RBFOX1: variants seen among roughly 807,000 people sequenced by gnomAD.
RBFOX1 encodes the protein RNA binding fox-1 homolog 1.
RBFOX1 carries 8 observed loss-of-function variants against 57.7 expected under a neutral mutation model. The ratio of observed to expected loss-of-function variants is 0.14; its 90% confidence interval spans 0.08 to 0.25. RBFOX1 has a LOEUF of 0.25. RBFOX1 is among the 10% of genes least tolerant of loss of function. The pLI, the probability that RBFOX1 is intolerant of heterozygous loss-of-function variation, is 1.00. For missense variants in RBFOX1, 611 were observed against 548.5 expected (o/e 1.11, Z -1.14); for synonymous variants, 326 against 222.4 (o/e 1.47, Z -4.15).
intron 3 of RBFOX1, among the ~76,000 whole-genome samples, chr16:6,812,226 T>C (rs936427362): frequency 2.0e-5 from 3 of 152,194 alleles, no homozygotes; most frequent in African/African-American, 7.2e-5. Context: ...AATATTAAGC[T>C]CCTCACATTT....
At chr16:7,477,649 A>G (rs2063021104) in intron 4 of RBFOX1, among the ~76,000 whole-genome samples, 1 of 152,194 alleles carries the variant, frequency 6.6e-6, no homozygotes. Flanking sequence ...CGATGGTAGT[A>G]ACTACATGCA....
intron 2 of RBFOX1, among the ~76,000 whole-genome samples, chr16:5,595,602 C>T (rs551997948): frequency 2.0e-5 from 3 of 152,248 alleles, no homozygotes; most frequent in East Asian, 3.9e-4. Flanking sequence ...ATGGATCAGG[C>T]CAGCTCAAAT....
chr16:6,396,273 T>C (rs1488207321), intron 2 of RBFOX1, among the ~76,000 whole-genome samples: 2 of 152,058 alleles, frequency 1.3e-5, no homozygotes, highest in South Asian at 4.1e-4. Flanking sequence ...AGAGGTACTG[T>C]AACTTGATAA....
intron 3 of RBFOX1, among the ~76,000 whole-genome samples, chr16:7,006,075 C>A (rs1413989693): frequency 2.6e-5 from 4 of 152,172 alleles, no homozygotes; most frequent in Non-Finnish European, 5.9e-5. Context: ...AGGTAGTAAA[C>A]CCTACTTTGT....
At chr16:7,017,747 A>G (rs138716337) in intron 3 of RBFOX1, among the ~76,000 whole-genome samples, 1 of 152,150 alleles carries the variant, frequency 6.6e-6, no homozygotes, top group Admixed American at 6.5e-5. Flanking sequence ...TGACAGGCCA[A>G]CTTCCAAACA....
At chr16:6,852,701 A>T (rs2094134801) in intron 3 of RBFOX1, among the ~76,000 whole-genome samples, 1 of 147,810 alleles carries the variant, frequency 6.8e-6, no homozygotes, top group Non-Finnish European at 1.5e-5. Context: ...ATGCCAGGAA[A>T]TAGCTGTGCC....
At chr16:5,642,879 G>T (rs914240565) in intron 3 of RBFOX1, among the ~76,000 whole-genome samples, 1 of 152,154 alleles carries the variant, frequency 6.6e-6, no homozygotes, top group Non-Finnish European at 1.5e-5. Flanking sequence ...GAGTGAGGGG[G>T]TCTGTATTCA....
At chr16:6,993,874 G>A (rs531260442) in intron 3 of RBFOX1, among the ~76,000 whole-genome samples, 10 of 152,130 alleles carry the variant, frequency 6.6e-5, no homozygotes, top group Non-Finnish European at 1.0e-4. Context: ...TTCCCCGAAC[G>A]TCTCTCAGGG....
intron 4 of RBFOX1, among the ~76,000 whole-genome samples, chr16:7,506,359 G>A (rs1199195911): frequency 6.6e-6 from 1 of 152,072 alleles, no homozygotes; most frequent in Non-Finnish European, 1.5e-5. Flanking sequence ...AACAAGTTGT[G>A]TGAGCATGAG....
intron 1 of RBFOX1, among the ~76,000 whole-genome samples, chr16:6,123,159 A>G (rs2152644058): frequency 6.6e-6 from 1 of 152,320 alleles, no homozygotes; most frequent in Non-Finnish European, 1.5e-5. Flanking sequence ...ATGAATACAC[A>G]CAAAGGAACT....
At chr16:7,242,947 C>G (rs1216191375) in intron 4 of RBFOX1, among the ~76,000 whole-genome samples, 1 of 152,150 alleles carries the variant, frequency 6.6e-6, no homozygotes. Flanking sequence ...ACCTGTCTAC[C>G]TTCTTTATCT....
rs909703035 is a variant in RBFOX1 at position 6,995,896 on chromosome 16, C to T, written c.-15-56161C>T. On this transcript the variant is annotated intron_variant, in intron 3 of 15. Transcript: ENST00000550418. ...TTCTCTGCATCCTCCTATGTTTGAA[C>T]CATAAATTTATTAGAAAGCATATAT... Among the ~76,000 whole-genome samples the T allele has an allele frequency of 8.5e-5, 13 of 152,198 alleles. 1 individual carries two copies. Among genetic ancestry groups the T allele is most frequent in the African/African-American group, 1.2e-4 (5 of 41,442 alleles).
At chr16:5,617,792 A>G (rs1459518166) in intron 3 of RBFOX1, among the ~76,000 whole-genome samples, 2 of 152,224 alleles carry the variant, frequency 1.3e-5, no homozygotes, top group Non-Finnish European at 2.9e-5. Flanking sequence ...TGCAGAGCCC[A>G]GGTCAGGTAG....
At chr16:5,607,326 C>T (rs2047619766) in intron 3 of RBFOX1, among the ~76,000 whole-genome samples, 1 of 152,196 alleles carries the variant, frequency 6.6e-6, no homozygotes, top group African/African-American at 2.4e-5. Flanking sequence ...ATGTTGGCCA[C>T]ATGGTTCTGA....
chr16:5,368,789 C>G (rs1409129823), intron 1 of RBFOX1, among the ~76,000 whole-genome samples: 1 of 152,108 alleles, frequency 6.6e-6, no homozygotes, highest in East Asian at 1.9e-4. Flanking sequence ...TAACTCCAAT[C>G]CAGGGTCTTC....
intron 1 of RBFOX1, among the ~76,000 whole-genome samples, chr16:5,246,707 A>G (rs971648321): frequency 6.1e-5 from 9 of 146,610 alleles, no homozygotes; most frequent in African/African-American, 1.5e-4. Context: ...ATCTCATTCT[A>G]TTGCCCAGGC....
chr16:7,209,623 C>G (rs745813488), intron 4 of RBFOX1, among the ~76,000 whole-genome samples: 2 of 152,180 alleles, frequency 1.3e-5, no homozygotes, highest in Non-Finnish European at 2.9e-5. Flanking sequence ...TGTAACCACT[C>G]TATTAAATTT....
intron 2 of RBFOX1, among the ~76,000 whole-genome samples, chr16:6,357,743 G>C (rs572830329): frequency 2.0e-4 from 31 of 152,156 alleles, no homozygotes; most frequent in African/African-American, 7.5e-4. Flanking sequence ...GAGGTCAGGA[G>C]TTCAAGACCA....
intron 2 of RBFOX1, among the ~76,000 whole-genome samples, chr16:6,654,298 A>G (rs1007843083): frequency 2.0e-5 from 3 of 152,182 alleles, no homozygotes; most frequent in Non-Finnish European, 4.4e-5. Context: ...AATTGTATGG[A>G]GGGCAGATTA....
Sources: allele counts gnomAD v4.1 joint callset (sites outside exome capture counted in the v4.1 genomes callset), GRCh38; gene constraint gnomAD v4.1.1; transcripts MANE v1.5; gene names NCBI Gene and HGNC (gene_info 2026-07-23, HGNC 2026-07-21).